TMEM131: variants seen among roughly 807,000 people sequenced by gnomAD.
The protein encoded by TMEM131 is transmembrane protein 131, also known as 2610524E03Rik.
A neutral mutation model predicts 211.6 loss-of-function variants in TMEM131; 66 were observed. The observed-to-expected ratio is 0.31, with a 90% CI of 0.26 to 0.38. The LOEUF is 0.38. Ranked by LOEUF, TMEM131 falls within the 10% of genes least tolerant of loss-of-function variation. The pLI, the probability that TMEM131 is intolerant of heterozygous loss-of-function variation, is 1.00. For synonymous variants in TMEM131, 844 were observed against 841.3 expected (o/e 1.00, Z -0.06); for missense variants, 2,036 against 2,299.3 (o/e 0.89, Z 2.34).
In TMEM131 at chr2:97,922,931, G is replaced by A. The variant is rs118076517; in HGVS notation, c.249+4495C>T. ...GAAAAAAAATAAATGAATCAAAATC[G>A]TATACTCTTTGCAAGAAGGCTCAAT... On this transcript the variant is annotated intron_variant, in intron 2 of 40. Coordinates refer to ENST00000186436, the MANE Select transcript of TMEM131 (RefSeq NM_015348.2). Among the ~76,000 whole-genome samples, 93 of 152,198 alleles carry A rather than the reference G, an allele frequency of 6.1e-4. 1 individual carries two copies. In the East Asian group the frequency reaches 0.017, roughly 27 times the overall value.
At chr2:97,920,597 G>T (rs1251449870) in intron 2 of TMEM131, among the ~76,000 whole-genome samples, 1 of 152,118 alleles carries the variant, frequency 6.6e-6, no homozygotes, top group Non-Finnish European at 1.5e-5. Flanking sequence ...AAGTTTTCAG[G>T]ATACACAGCA....
intron 31 of TMEM131, 143 bp from the exon 32 acceptor site, chr2:97,776,161 C>T: frequency 1.3e-6 from 1 of 775,940 alleles, no homozygotes; most frequent in African/African-American, 1.8e-5. Flanking sequence ...TCACACCATT[C>T]TCCTGCCTCA....
rs910970224 is a variant in TMEM131, at chr2:97,995,942, C to G, written c.-280G>C. 3 of 186,844 alleles carry G rather than the reference C, an allele frequency of 1.6e-5. No individual in the cohort carries two copies. Among genetic ancestry groups the G allele is most frequent in the Middle Eastern group, 2.0e-3 (1 of 504 alleles). 11.6% of individuals were successfully genotyped at this position (186,844 alleles called of 1,614,324 possible). A position where few individuals can be genotyped will look rare whatever the true frequency, so the allele number is the denominator to read the frequency against. ...GGCCATACTGGAAACGGGCACGGCC[C>G]GCGAGCCCTGAGCGCTGGCCTGCGA... On this transcript the variant is annotated 5_prime_UTR_variant, in exon 1 of 41. Coordinates refer to ENST00000186436, the MANE Select transcript of TMEM131 (RefSeq NM_015348.2).
intron 3 of TMEM131, among the ~76,000 whole-genome samples, chr2:97,905,545 G>T (rs1437009516): frequency 6.6e-6 from 1 of 152,072 alleles, no homozygotes; most frequent in Non-Finnish European, 1.5e-5. Context: ...GTCACCAAGG[G>T]TTTATTTGTT....
intron 2 of TMEM131, among the ~76,000 whole-genome samples, chr2:97,911,184 C>A (rs1194413781): frequency 6.6e-6 from 1 of 152,056 alleles, no homozygotes; most frequent in Non-Finnish European, 1.5e-5. Context: ...GTGGAACAAC[C>A]CAGACCCTCA....
intron 2 of TMEM131, among the ~76,000 whole-genome samples, chr2:97,910,294 G>T (rs1676241225): frequency 6.6e-6 from 1 of 152,068 alleles, no homozygotes. Flanking sequence ...TATTAAAATG[G>T]TGTAGCCACT....
intron 1 of TMEM131, among the ~76,000 whole-genome samples, chr2:97,932,630 A>C (rs1033763305): frequency 6.6e-6 from 1 of 152,196 alleles, no homozygotes; most frequent in Admixed American, 6.5e-5. Flanking sequence ...ACCTTATCCT[A>C]AAGAATCTAA....
intron 1 of TMEM131, among the ~76,000 whole-genome samples, chr2:97,941,971 C>T (rs930468231): frequency 6.6e-6 from 1 of 152,124 alleles, no homozygotes; most frequent in Non-Finnish European, 1.5e-5. Flanking sequence ...CATCCCATTA[C>T]CGGGTATATA....
At chr2:97,870,135 A>G (rs1245457490) in intron 4 of TMEM131, among the ~76,000 whole-genome samples, 1 of 152,182 alleles carries the variant, frequency 6.6e-6, no homozygotes, top group Non-Finnish European at 1.5e-5. Context: ...TTCGTGGATT[A>G]GGTCAGGCTC....
At chr2:97,969,735 A>T (rs1679216031) in intron 1 of TMEM131, among the ~76,000 whole-genome samples, 1 of 152,254 alleles carries the variant, frequency 6.6e-6, no homozygotes, top group African/African-American at 2.4e-5. Flanking sequence ...GCAGGAATAG[A>T]ACTATGAAAC....
In TMEM131 at chr2:97,927,402, C is replaced by T. The variant is rs775104453; in HGVS notation, c.249+24G>A. On this transcript the variant is annotated intron_variant, in intron 2 of 40. Coordinates refer to ENST00000186436, the MANE Select transcript of TMEM131 (RefSeq NM_015348.2). The stretch of plus-strand genomic sequence containing the variant: ...GATATTATTCAAGGCTTAACAATAA[C>T]TTGTCTACTTAAAAAAAAATTACCT... 4 of 1,559,454 alleles carry T rather than the reference C, an allele frequency of 2.6e-6. No individual in the cohort carries two copies. In the African/African-American group the frequency reaches 4.1e-5, roughly 16 times the overall value.
rs865910708 is a variant in TMEM131 at position 97,762,111 on chromosome 2, G to A, written c.4813C>T (p.Pro1605Ser). The A allele has an allele frequency of 1.2e-6, 2 of 1,613,288 alleles. No homozygotes were observed. Among genetic ancestry groups the A allele is most frequent in the Admixed American group, 3.3e-5 (2 of 59,914 alleles). The change falls in exon 36 of 41, where the codon CCG becomes TCG. Residue 1605 changes from proline (P) to serine (S), a missense_variant. Physicochemically the swap from Pro to Ser is moderately conservative, Grantham distance 74 (BLOSUM62 -1). Coordinates refer to ENST00000186436, the MANE Select transcript of TMEM131 (RefSeq NM_015348.2). ...GGGCAGGGGGCAGCTGGGGGAGACG[G>A]GGAAGCAGGTGTCGGTGAGGTCTGG... The part of the protein sequence containing the change: ...QRQTSPTPAS[P>S]SPPAAPCPFV...
At chr2:97,978,179 G>GT (rs1679628305) in intron 1 of TMEM131, among the ~76,000 whole-genome samples, 1 of 152,194 alleles carries the variant, frequency 6.6e-6, no homozygotes, top group South Asian at 2.1e-4. Context: ...ATGCAATGCT[G>GT]TTTGACAGCA....
chr2:97,966,888 G>C, intron 1 of TMEM131, among the ~76,000 whole-genome samples: 1 of 151,946 alleles, frequency 6.6e-6, no homozygotes, highest in East Asian at 1.9e-4. Context: ...CTACACCACT[G>C]AGAAAGGTAG....
chr2:97,870,353 C>G (rs17023420), intron 4 of TMEM131, among the ~76,000 whole-genome samples: 1 of 152,068 alleles, frequency 6.6e-6, no homozygotes, highest in Admixed American at 6.5e-5. Context: ...CTTGGCTGAA[C>G]AGGTAAAATT....
chr2:97,930,977 A>G (rs1677194031), intron 1 of TMEM131, among the ~76,000 whole-genome samples: 1 of 151,902 alleles, frequency 6.6e-6, no homozygotes, highest in Non-Finnish European at 1.5e-5. Flanking sequence ...AAATACACAC[A>G]GAGAGATATA....
At chr2:97,984,717 A>G (rs185509832) in intron 1 of TMEM131, among the ~76,000 whole-genome samples, 2 of 150,294 alleles carry the variant, frequency 1.3e-5, no homozygotes, top group East Asian at 1.9e-4. Context: ...ATATATAATG[A>G]TATATTACTA....
chr2:97,770,289 A>G (rs1290607425), intron 33 of TMEM131, among the ~76,000 whole-genome samples: 1 of 152,210 alleles, frequency 6.6e-6, no homozygotes, highest in African/African-American at 2.4e-5. Context: ...ATAAATTCTG[A>G]CTCAATACTT....
intron 28 of TMEM131, among the ~76,000 whole-genome samples, chr2:97,795,841 T>A (rs1174867843): frequency 1.3e-5 from 2 of 152,156 alleles, no homozygotes; most frequent in Admixed American, 1.3e-4. Flanking sequence ...CTGCAAAACG[T>A]GAAAAAACTG....
Sources: gnomAD v4.1 joint callset for allele counts (sites outside exome capture counted in the v4.1 genomes callset) on GRCh38, gnomAD v4.1.1 for gene constraint, MANE v1.5 for transcripts, NCBI Gene and HGNC (gene_info 2026-07-23, HGNC 2026-07-21) for gene names.